Variants in OPRD1 observed in about 807,000 individuals in gnomAD.
The protein encoded by OPRD1 is opioid receptor delta 1, also known as delta-type opioid receptor.
Under a neutral mutation model 17.5 loss-of-function variants are expected in OPRD1, and 19 were observed. The ratio of observed to expected loss-of-function variants is 1.09; its 90% confidence interval spans 0.76 to 1.60. The LOEUF (loss-of-function observed/expected upper bound fraction) is 1.60. Among genes scored for constraint, OPRD1 ranks in the 40% most tolerant of loss-of-function variants. OPRD1 has a pLI of 0.00. For missense variants in OPRD1, 483 were observed against 547.2 expected, an observed-to-expected ratio of 0.88 and a Z score of 1.17; for synonymous variants, 256 against 240.9, an observed-to-expected ratio of 1.06 and a Z score of -0.58.
rs1227171667 is a variant in OPRD1 at position 28,871,003 on chromosome 1, CTG to C, written c.*7721_*7722del. 3 of 152,214 alleles carry C rather than the reference CTG, an allele frequency of 2.0e-5. No individual in the cohort carries two copies. Among genetic ancestry groups the C allele is most frequent in the Non-Finnish European group, 4.4e-5 (3 of 68,048 alleles). 9.4% of individuals were successfully genotyped at this position (152,214 alleles called of 1,614,324 possible). A position where few individuals can be genotyped will look rare whatever the true frequency, so the allele number is the denominator to read the frequency against. ...AAGGCTCTGCCATCCTGGAAAAGAACTGAGACACTTCCCTCATGTTCCTGGGT... is the reference window on the plus strand; with the variant it reads ...AAGGCTCTGCCATCCTGGAAAAGAACAGACACTTCCCTCATGTTCCTGGGT... On this transcript the variant is annotated 3_prime_UTR_variant, in exon 3 of 3. Transcript: ENST00000234961.
At chr1:28,846,555 C>T (rs530340542) in intron 1 of OPRD1, among the ~76,000 whole-genome samples, 8 of 152,066 alleles carry the variant, frequency 5.3e-5, no homozygotes, top group Admixed American at 2.6e-4. Flanking sequence ...TGGTGGTGGG[C>T]GCCTGTAATC....
At position 28,867,289 on chromosome 1, in the gene OPRD1, C is replaced by T. The variant is rs1374021185; in HGVS notation, c.*4006C>T. ...GCACCATCTCGGCTCATTGCAACCT[C>T]CGCCTCCTGGGTTCAAGTCATCCTC... is the stretch of plus-strand genomic sequence containing the variant. On this transcript the variant is annotated 3_prime_UTR_variant, in exon 3 of 3. Transcript: ENST00000234961. The T allele has an allele frequency of 6.6e-6, 1 of 152,042 alleles. No individual in the cohort carries two copies. The highest frequency in any genetic ancestry group is 6.6e-5 in the Admixed American group (1 of 15,252). The allele number at this position is 152,042 out of a possible 1,614,324, so 9.4% of individuals were successfully genotyped here.
intron 1 of OPRD1, among the ~76,000 whole-genome samples, chr1:28,833,921 G>C (rs769102448): frequency 8.5e-5 from 13 of 152,166 alleles, no homozygotes; most frequent in Non-Finnish European, 1.3e-4. Flanking sequence ...AAAAGTAGGT[G>C]GTCACAAACC....
At chr1:28,853,785 C>T (rs1324387926) in intron 1 of OPRD1, among the ~76,000 whole-genome samples, 3 of 148,132 alleles carry the variant, frequency 2.0e-5, no homozygotes, top group East Asian at 2.0e-4. Context: ...TTCACCTAGT[C>T]GCCCAGGCTG....
At chr1:28,836,967 C>T (rs1021096242) in intron 1 of OPRD1, among the ~76,000 whole-genome samples, 3 of 152,134 alleles carry the variant, frequency 2.0e-5, no homozygotes, top group Admixed American at 1.3e-4. Context: ...ATGATTCAAG[C>T]TCATTACATT....
intron 2 of OPRD1, among the ~76,000 whole-genome samples, chr1:28,861,741 G>C (rs921087580): frequency 6.6e-6 from 1 of 151,892 alleles, no homozygotes; most frequent in Non-Finnish European, 1.5e-5. Context: ...CCCATGCCTG[G>C]CCAGGAGGTT....
chr1:28,859,293 C>T lies in OPRD1; in HGVS notation c.567C>T (p.Thr189=). ...VGVPIMVMAV[T]RPRDGAVVCM... is the part of the protein sequence containing the mutation. ...TGCCCATCATGGTCATGGCTGTGAC[C>T]CGTCCCCGGGGTGAGTGAGTGAGTG... Residue 189 remains threonine, a synonymous_variant, in exon 2 of 3, where the codon ACC becomes ACT. Transcript: ENST00000234961. 6.2e-7 allele frequency: 1 copy of T among 1,612,434 alleles called. No homozygotes were observed. Among genetic ancestry groups the T allele is most frequent in the Non-Finnish European group, 8.5e-7 (1 of 1,179,170 alleles).
At chr1:28,843,163 G>C (rs145042024) in intron 1 of OPRD1, among the ~76,000 whole-genome samples, 4 of 152,114 alleles carry the variant, frequency 2.6e-5, no homozygotes, top group African/African-American at 9.7e-5. Flanking sequence ...ACTGAGCTAT[G>C]TATGTTGGGG....
In OPRD1 at chr1:28,851,764, G is replaced by A. The variant is rs373453853; in HGVS notation, c.228-7190G>A. On this transcript the variant is annotated intron_variant, in intron 1 of 2. Transcript: ENST00000234961. ...CTCATGCCTGTAATCCCAGCTACTCGGGAGGCTGAGGCGGGAAAATTGCTT... is the reference window on the plus strand; with the variant it reads ...CTCATGCCTGTAATCCCAGCTACTCAGGAGGCTGAGGCGGGAAAATTGCTT... Among the ~76,000 whole-genome samples the A allele has an allele frequency of 8.9e-4, 135 of 151,952 alleles. 3 individuals are homozygous for A. In the East Asian group the frequency reaches 0.017, roughly 19 times the overall value.
intron 1 of OPRD1, among the ~76,000 whole-genome samples, chr1:28,831,265 A>G (rs954339712): frequency 6.6e-6 from 1 of 152,204 alleles, no homozygotes; most frequent in Non-Finnish European, 1.5e-5. Context: ...TAAGCCCAGC[A>G]ATTTGGTAGG....
chr1:28,838,027 C>T (rs182857491), intron 1 of OPRD1, among the ~76,000 whole-genome samples: 1 of 151,746 alleles, frequency 6.6e-6, no homozygotes, highest in African/African-American at 2.4e-5. Context: ...AGGATGGCAG[C>T]AATTTCATAG....
At chr1:28,816,504 A>T (rs1418557948) in intron 1 of OPRD1, among the ~76,000 whole-genome samples, 1 of 152,006 alleles carries the variant, frequency 6.6e-6, no homozygotes, top group Non-Finnish European at 1.5e-5. Flanking sequence ...TGCAGGCCCC[A>T]CACTCTGTCC....
chr1:28,832,253 C>G (rs530864177), intron 1 of OPRD1, among the ~76,000 whole-genome samples: 1 of 152,228 alleles, frequency 6.6e-6, no homozygotes, highest in East Asian at 1.9e-4. Flanking sequence ...AAAAAATAAT[C>G]CATTGTTAAT....
At chr1:28,819,085 C>T (rs999280108) in intron 1 of OPRD1, among the ~76,000 whole-genome samples, 2 of 151,712 alleles carry the variant, frequency 1.3e-5, no homozygotes, top group African/African-American at 4.8e-5. Context: ...GAGGGTGGCT[C>T]AGGGCAATGA....
chr1:28,861,631 G>T (rs1384975122), intron 2 of OPRD1, among the ~76,000 whole-genome samples: 1 of 152,070 alleles, frequency 6.6e-6, no homozygotes, highest in Non-Finnish European at 1.5e-5. Flanking sequence ...TTTTTGTAGA[G>T]ATGGGGTTTT....
At position 28,823,800 on chromosome 1, in the gene OPRD1, A is replaced by G. The variant is rs1457296045; in HGVS notation, c.227+11190A>G. Reference sequence around the variant, plus strand: ...CCACCCGGCCTCCCAAAGTGTTGGCATTACAGGTGTGAGCCACCGTGCCCA... The same window carrying G: ...CCACCCGGCCTCCCAAAGTGTTGGCGTTACAGGTGTGAGCCACCGTGCCCA... On this transcript the variant is annotated intron_variant, in intron 1 of 2. Transcript: ENST00000234961. Among the ~76,000 whole-genome samples, 11 of 150,612 alleles carry G rather than the reference A, an allele frequency of 7.3e-5. No homozygotes were observed. In the East Asian group the frequency reaches 2.3e-3, roughly 31 times the overall value.
At chr1:28,840,373 C>T (rs2088885948) in intron 1 of OPRD1, among the ~76,000 whole-genome samples, 1 of 152,146 alleles carries the variant, frequency 6.6e-6, no homozygotes, top group African/African-American at 2.4e-5. Flanking sequence ...CCCACCTCAG[C>T]CTCCCGAGTA....
At chr1:28,847,043 TTCCCCTTTCCTG>T (rs1380456623) in intron 1 of OPRD1, among the ~76,000 whole-genome samples, 7 of 61,826 alleles carry the variant, frequency 1.1e-4, no homozygotes, top group Admixed American at 3.4e-4. Context: ...CCCCTTTCCT[TTCCCCTTTCCTG>T]TCCCCTTTCC....
At chr1:28,854,033 A>T (rs897462995) in intron 1 of OPRD1, among the ~76,000 whole-genome samples, 1 of 151,888 alleles carries the variant, frequency 6.6e-6, no homozygotes, top group Non-Finnish European at 1.5e-5. Context: ...GAGCCACCAC[A>T]TCTGGCCAGA....
Sources: allele counts gnomAD v4.1 joint callset (sites outside exome capture counted in the v4.1 genomes callset), GRCh38; gene constraint gnomAD v4.1.1; transcripts MANE v1.5; gene names NCBI Gene and HGNC (gene_info 2026-07-23, HGNC 2026-07-21).